WBP1L: variants seen among roughly 807,000 people sequenced by gnomAD.
WBP1L encodes the protein WW domain binding protein 1-like.
A neutral mutation model predicts 33.7 loss-of-function variants in WBP1L; 17 were observed. That is an observed-to-expected ratio of 0.50 (90% CI 0.34 to 0.76). The LOEUF is 0.76. Ranked by LOEUF, WBP1L falls within the 30% of genes least tolerant of loss-of-function variation. The pLI is 0.01. For synonymous variants in WBP1L, 173 were observed against 190.8 expected, an observed-to-expected ratio of 0.91 and a Z score of 0.77; for missense variants, 389 against 469.4, an observed-to-expected ratio of 0.83 and a Z score of 1.58.
chr10:102,753,901 A>G (rs1204693601), intron 1 of WBP1L, among the ~76,000 whole-genome samples: 1 of 152,232 alleles, frequency 6.6e-6, no homozygotes, highest in Non-Finnish European at 1.5e-5. Flanking sequence ...ATGTTGTAAC[A>G]CTTTTATTAC....
At position 102,814,376 on chromosome 10, in the gene WBP1L, C is replaced by G. The variant is rs1346373916; in HGVS notation, c.*1045C>G. 6.6e-6 allele frequency: 1 copy of G among 152,584 alleles called. No individual in the cohort carries two copies. Among genetic ancestry groups the G allele is most frequent in the Admixed American group, 6.6e-5 (1 of 15,258 alleles). 9.5% of individuals were successfully genotyped at this position (152,584 alleles called of 1,614,324 possible). The stretch of plus-strand genomic sequence containing the variant: ...CTGCGGGCCTTCAAGTCTCACTGTT[C>G]CGTATGAGGAAACAGACAGCGGACT... On this transcript the variant is annotated 3_prime_UTR_variant, in exon 4 of 4. Coordinates refer to ENST00000448841, the MANE Select transcript of WBP1L (RefSeq NM_001083913.2).
intron 2 of WBP1L, 59 bp from the exon 3 acceptor site, chr10:102,809,834 C>T: frequency 6.5e-7 from 1 of 1,543,772 alleles, no homozygotes. Context: ...GTTCCGCAAG[C>T]TGCCCCTCTG....
chr10:102,772,845 C>T (rs1454577884), intron 1 of WBP1L, among the ~76,000 whole-genome samples: 1 of 151,884 alleles, frequency 6.6e-6, no homozygotes, highest in Non-Finnish European at 1.5e-5. Context: ...ACTAGGATTA[C>T]AGGCGTGAGC....
At position 102,815,655 on chromosome 10, in the gene WBP1L, C is replaced by CTT. The variant is rs3216007; in HGVS notation, c.*2330_*2331dup. ...GCCCCTCAGATGCCTTTCCTTCCAC[C>CTT]TTTTTTTATTTTTTAAGAATCCCAA... On this transcript the variant is annotated 3_prime_UTR_variant, in exon 4 of 4. Transcript: ENST00000448841. The CTT allele has an allele frequency of 0.25, 37,891 of 152,026 alleles. 4,888 individuals carry two copies. The highest frequency in any genetic ancestry group is 0.3 in the Non-Finnish European group (20,063 of 67,954). 9.4% of individuals were successfully genotyped at this position (152,026 alleles called of 1,614,324 possible).
chr10:102,799,578 C>G (rs1193371368), intron 2 of WBP1L, among the ~76,000 whole-genome samples: 1 of 151,998 alleles, frequency 6.6e-6, no homozygotes, highest in African/African-American at 2.4e-5. Flanking sequence ...CAGCGAGGCC[C>G]CAGGTGACTG....
At chr10:102,777,618 G>A (rs1214153240) in intron 1 of WBP1L, among the ~76,000 whole-genome samples, 13 of 130,886 alleles carry the variant, frequency 9.9e-5, no homozygotes, top group Non-Finnish European at 4.6e-5. Flanking sequence ...TGCCCAGGCT[G>A]GAGTGTAGTG....
intron 1 of WBP1L, among the ~76,000 whole-genome samples, chr10:102,749,737 C>G (rs998508953): frequency 6.6e-6 from 1 of 152,086 alleles, no homozygotes; most frequent in Non-Finnish European, 1.5e-5. Flanking sequence ...GCTGGGATTG[C>G]AGGCGTGAGC....
rs1416237821 is a variant in WBP1L, at chr10:102,813,070, G to T, written c.831G>T (p.Val277=). The change falls in exon 4 of 4, where the codon GTG becomes GTT. Residue 277 remains valine (V), a synonymous_variant. Transcript: ENST00000448841. The stretch of plus-strand genomic sequence containing the variant: ...GTGACTCGGGCATTGAAGTGTGTGT[G>T]TGCAACCGGGGCCACCATGACGATG... ...FTGDSGIEVC[V]CNRGHHDDDL... The T allele has an allele frequency of 2.5e-6, 4 of 1,613,850 alleles. No homozygotes were observed. Among genetic ancestry groups the T allele is most frequent in the Non-Finnish European group, 3.4e-6 (4 of 1,180,028 alleles).
At position 102,744,046 on chromosome 10, in the gene WBP1L, G is replaced by A; in HGVS notation, c.-8G>A. The stretch of plus-strand genomic sequence containing the variant: ...GCGCCGTGGCGGAGGAGCAGGAGCA[G>A]GAGGGGGATGGAGAGGAGAAGGCTC... On this transcript the variant is annotated 5_prime_UTR_variant, in exon 1 of 4. Coordinates refer to ENST00000448841, the MANE Select transcript of WBP1L (RefSeq NM_001083913.2). The A allele has an allele frequency of 6.5e-7, 1 of 1,548,122 alleles. No homozygotes were observed.
At chr10:102,758,322 A>C (rs1843001538) in intron 1 of WBP1L, among the ~76,000 whole-genome samples, 1 of 152,096 alleles carries the variant, frequency 6.6e-6, no homozygotes, top group Admixed American at 6.6e-5. Context: ...ATTTTAGACT[A>C]TTTTCATCAC....
intron 1 of WBP1L, among the ~76,000 whole-genome samples, chr10:102,785,182 C>CT (rs35342758): frequency 0.5 from 62,828 of 124,924 alleles, 17,098 homozygotes; most frequent in Non-Finnish European, 0.61. Context: ...CACCAGCCCA[C>CT]TTTTTTTTTT....
chr10:102,779,899 A>G (rs1262566180), intron 1 of WBP1L, among the ~76,000 whole-genome samples: 1 of 152,238 alleles, frequency 6.6e-6, no homozygotes, highest in Non-Finnish European at 1.5e-5. Flanking sequence ...TTTACCAGAC[A>G]TGTGAGTTGG....
chr10:102,756,848 C>T (rs752482101), intron 1 of WBP1L, among the ~76,000 whole-genome samples: 9 of 151,364 alleles, frequency 5.9e-5, no homozygotes, highest in Non-Finnish European at 8.8e-5. Flanking sequence ...GTGGGCAGAT[C>T]GCTTGAGCCC....
Position 102,812,812 on chromosome 10 carries a change from A to AC in WBP1L, c.578dup (p.Ser194LysfsTer4), listed in dbSNP as rs1843864695. On this transcript the variant is annotated frameshift_variant, in exon 4 of 4. Coordinates refer to ENST00000448841, the MANE Select transcript of WBP1L (RefSeq NM_001083913.2). LOFTEE classifies it high-confidence loss of function. Reference sequence around the variant, plus strand: ...CTGAGCCCAGCAGAAGCAGCACAAGACCCCCAAGCATCGCTGACCCTGATC... The same window carrying AC: ...CTGAGCCCAGCAGAAGCAGCACAAGACCCCCCAAGCATCGCTGACCCTGATC... 6.3e-7 allele frequency: 1 copy of AC among 1,598,376 alleles called. No homozygotes were observed. Among genetic ancestry groups the AC allele is most frequent in the Non-Finnish European group, 8.5e-7 (1 of 1,172,082 alleles).
chr10:102,749,789 T>A (rs1842907611), intron 1 of WBP1L, among the ~76,000 whole-genome samples: 1 of 151,902 alleles, frequency 6.6e-6, no homozygotes, highest in Non-Finnish European at 1.5e-5. Context: ...TATTTATTTA[T>A]TTTTTGAGAT....
rs571842754 is a variant in WBP1L, at chr10:102,815,212, G to C, written c.*1881G>C. ...CTCGGGTGTACTCCGCAGCATTGTC[G>C]ACTGCAGTCCCCTGTGTTTGCCAGA... On this transcript the variant is annotated 3_prime_UTR_variant, in exon 4 of 4. Transcript: ENST00000448841. 1 of 152,536 alleles carries C rather than the reference G, an allele frequency of 6.6e-6. No homozygotes were observed. Among genetic ancestry groups the C allele is most frequent in the Non-Finnish European group, 1.5e-5 (1 of 68,028 alleles). The allele number at this position is 152,536 out of a possible 1,614,324, so 9.4% of individuals were successfully genotyped here.
chr10:102,759,165 G>T (rs1223555457), intron 1 of WBP1L, among the ~76,000 whole-genome samples: 3 of 152,054 alleles, frequency 2.0e-5, no homozygotes, highest in Admixed American at 6.5e-5. Context: ...ACTCCCTTTC[G>T]CGGTCTGCTA....
chr10:102,811,574 G>A (rs1297301160), intron 3 of WBP1L, among the ~76,000 whole-genome samples: 2 of 152,188 alleles, frequency 1.3e-5, no homozygotes, highest in African/African-American at 2.4e-5. Context: ...GCAGTGGCGT[G>A]ATCTTGGCTC....
chr10:102,772,006 G>C (rs1434534300), intron 1 of WBP1L, among the ~76,000 whole-genome samples: 9 of 150,824 alleles, frequency 6.0e-5, no homozygotes, highest in African/African-American at 2.2e-4. Context: ...TGTCGCCCAG[G>C]CTGGAGTGCA....
Sources: allele counts gnomAD v4.1 joint callset (sites outside exome capture counted in the v4.1 genomes callset), GRCh38; gene constraint gnomAD v4.1.1; transcripts MANE v1.5; gene names NCBI Gene and HGNC (gene_info 2026-07-23, HGNC 2026-07-21).